Variants in OR6C74 observed in about 807,000 individuals in gnomAD.
OR6C74 encodes the protein olfactory receptor 6C74.
For missense variants in OR6C74, 361 were observed against 362.9 expected (o/e 0.99, Z 0.04); for synonymous variants, 142 against 134.2 (o/e 1.06, Z -0.40).
intron 1 of OR6C74, among the ~76,000 whole-genome samples, 189 bp downstream of exon 1, chr12:55,245,006 T>C (rs896425861): frequency 6.6e-6 from 1 of 152,084 alleles, no homozygotes; most frequent in Non-Finnish European, 1.5e-5. Flanking sequence ...TGCTACTAAA[T>C]ACATTAAAGT....
In OR6C74 at chr12:55,247,089, C is replaced by T. The variant is rs116625194; in HGVS notation, c.-9-190C>T. 2,602 of 468,610 alleles carry T rather than the reference C, an allele frequency of 5.6e-3. 41 individuals are homozygous for T. The highest frequency in any genetic ancestry group is 0.028 in the African/African-American group (1,425 of 50,020). The allele number at this position is 468,610 out of a possible 1,614,324, so 29.0% of individuals were successfully genotyped here. A position where few individuals can be genotyped will look rare whatever the true frequency, so the allele number is the denominator to read the frequency against. On this transcript the variant is annotated intron_variant, in intron 1 of 1. Coordinates refer to ENST00000343399, the MANE Select transcript of OR6C74 (RefSeq NM_001005490.2). ...ATTTATGGCCATTGAGAAAACAGAA[C>T]AAACTCAAAAAGTTGCATGTATTTA...
At position 55,247,276 on chromosome 12, in the gene OR6C74, T is replaced by C. The variant is rs1365285421; in HGVS notation, c.-9-3T>C. ...TAATTTTTCTTCTTATTTTTAAAAA[T>C]AGAAATCAACTATGAGAAACCATAC... On this transcript the variant is annotated splice_polypyrimidine_tract_variant and splice_region_variant and intron_variant, in intron 1 of 1. Transcript: ENST00000343399. 1.3e-6 allele frequency: 2 copies of C among 1,481,980 alleles called. No homozygotes were observed. The highest frequency in any genetic ancestry group is 2.3e-5 in the East Asian group (1 of 44,186). The allele number at this position is 1,481,980 out of a possible 1,614,324, so 91.8% of individuals were successfully genotyped here.
In OR6C74 at chr12:55,247,600, T is replaced by C. The variant is rs751184282; in HGVS notation, c.313T>C (p.Leu105=). 1 of 1,614,022 alleles carries C rather than the reference T, an allele frequency of 6.2e-7. No homozygotes were observed. Among genetic ancestry groups the C allele is most frequent in the Admixed American group, 1.7e-5 (1 of 60,002 alleles). The change falls in exon 2 of 2, where the codon TTG becomes CTG. Residue 105 remains leucine, a synonymous_variant. Transcript: ENST00000343399. ...CAAQLFFTIL[L]GATEFFLLAA... is the part of the protein sequence containing the mutation. Reference sequence around the variant, plus strand: ...AGCACAGCTGTTTTTCACTATTCTCTTGGGGGCAACTGAATTTTTTCTTCT... The same window carrying C: ...AGCACAGCTGTTTTTCACTATTCTCCTGGGGGCAACTGAATTTTTTCTTCT...
At chr12:55,246,398 G>A (rs1388052477) in intron 1 of OR6C74, among the ~76,000 whole-genome samples, 2 of 152,150 alleles carry the variant, frequency 1.3e-5, no homozygotes, top group African/African-American at 4.8e-5. Flanking sequence ...CTGTCATCCA[G>A]GCTGGAGTGC....
In OR6C74 at chr12:55,253,991, T is replaced by C. The variant is rs779995898; in HGVS notation, c.*5765T>C. On this transcript the variant is annotated 3_prime_UTR_variant, in exon 2 of 2. Transcript: ENST00000343399. The stretch of plus-strand genomic sequence containing the variant: ...GTTTATTTTAGTCCTAGGAACTTCA[T>C]AATCTGTTGTTCACTACTAAAGTGC... Among the ~76,000 whole-genome samples the C allele has an allele frequency of 6.6e-6, 1 of 152,106 alleles. No homozygotes were observed. Among genetic ancestry groups the C allele is most frequent in the Non-Finnish European group, 1.5e-5 (1 of 67,978 alleles).
Position 55,256,028 on chromosome 12 carries a change from A to G in OR6C74, c.*7802A>G, listed in dbSNP as rs1954341915. Among the ~76,000 whole-genome samples the G allele has an allele frequency of 6.6e-6, 1 of 152,102 alleles. No individual in the cohort carries two copies. The stretch of plus-strand genomic sequence containing the variant: ...AACTATTGCTATGGAATAAAAGGTG[A>G]AATGCTCCTGATTATTGTAAATACA... On this transcript the variant is annotated 3_prime_UTR_variant, in exon 2 of 2. Coordinates refer to ENST00000343399, the MANE Select transcript of OR6C74 (RefSeq NM_001005490.2).
Position 55,247,464 on chromosome 12 carries a change from C to T in OR6C74, c.177C>T (p.Phe59=). 1 of 1,613,826 alleles carries T rather than the reference C, an allele frequency of 6.2e-7. No homozygotes were observed. The highest frequency in any genetic ancestry group is 1.3e-5 in the African/African-American group (1 of 74,998). The change falls in exon 2 of 2, where the codon TTC becomes TTT. Residue 59 remains phenylalanine (F), a synonymous_variant. Transcript: ENST00000343399. The part of the protein sequence containing the change: ...LDLHLKTPMY[F]FLRNFSFLEV... ...TGCATCTCAAGACACCCATGTATTT[C>T]TTCCTCCGAAATTTCTCATTTTTAG...
chr12:55,252,993 A>G lies in OR6C74; in HGVS notation c.*4767A>G, dbSNP rs2136315786. Among the ~76,000 whole-genome samples, 1 of 151,876 alleles carries G rather than the reference A, an allele frequency of 6.6e-6. No homozygotes were observed. The highest frequency in any genetic ancestry group is 6.6e-5 in the Admixed American group (1 of 15,194). On this transcript the variant is annotated 3_prime_UTR_variant, in exon 2 of 2. Transcript: ENST00000343399. ...TCTAACAACCCTTTAAAAATGTAAA[A>G]TACATCTCAGGATCTCAGGTGGAAG...
At position 55,249,912 on chromosome 12, in the gene OR6C74, C is replaced by A. The variant is rs980750419; in HGVS notation, c.*1686C>A. Among the ~76,000 whole-genome samples, 2 of 152,102 alleles carry A rather than the reference C, an allele frequency of 1.3e-5. No homozygotes were observed. Among genetic ancestry groups the A allele is most frequent in the Non-Finnish European group, 2.9e-5 (2 of 68,008 alleles). On this transcript the variant is annotated 3_prime_UTR_variant, in exon 2 of 2. Transcript: ENST00000343399. ...TAATGCTATCCCTCCCCTCTCCCCC[C>A]ACCTCACAGCAGGCCCCGGTGTGTG...
In OR6C74 at chr12:55,256,547, C is replaced by T. The variant is rs1024074911; in HGVS notation, c.*8321C>T. ...ACTGATGCACACACTATATTGTAAACTCTTATCTCTGTATACTGTACTTCT... is the reference window on the plus strand; with the variant it reads ...ACTGATGCACACACTATATTGTAAATTCTTATCTCTGTATACTGTACTTCT... On this transcript the variant is annotated 3_prime_UTR_variant, in exon 2 of 2. Coordinates refer to ENST00000343399, the MANE Select transcript of OR6C74 (RefSeq NM_001005490.2). Among the ~76,000 whole-genome samples the T allele has an allele frequency of 2.6e-5, 4 of 152,088 alleles. No homozygotes were observed. Among genetic ancestry groups the T allele is most frequent in the African/African-American group, 9.7e-5 (4 of 41,426 alleles).
rs1375255058 is a variant in OR6C74 at position 55,251,088 on chromosome 12, C to T, written c.*2862C>T. On this transcript the variant is annotated 3_prime_UTR_variant, in exon 2 of 2. Coordinates refer to ENST00000343399, the MANE Select transcript of OR6C74 (RefSeq NM_001005490.2). ...CAAAATTCCCCAAATATTTGCATAA[C>T]CTGGCCTGTCCAGTTTGGTTTCTTA... is the stretch of plus-strand genomic sequence containing the variant. Among the ~76,000 whole-genome samples, 1 of 152,052 alleles carries T rather than the reference C, an allele frequency of 6.6e-6. No individual in the cohort carries two copies. Among genetic ancestry groups the T allele is most frequent in the Admixed American group, 6.6e-5 (1 of 15,232 alleles).
chr12:55,247,300 A>G lies in OR6C74; in HGVS notation c.13A>G (p.Thr5Ala), dbSNP rs368893995. The change falls in exon 2 of 2, where the codon ACA becomes GCA. Residue 5 changes from threonine (T) to alanine (A), a missense_variant. By Grantham distance (58) the Thr-to-Ala change is moderately conservative. Transcript: ENST00000343399. ...ATAGAAATCAACTATGAGAAACCAT[A>G]CAACAGTAGCAAACTTTATTCTTCT... MRNH[T>A]TVANFILLGL... 1 of 1,590,816 alleles carries G rather than the reference A, an allele frequency of 6.3e-7. No homozygotes were observed. The highest frequency in any genetic ancestry group is 8.6e-7 in the Non-Finnish European group (1 of 1,162,796).
chr12:55,248,337 A>G lies in OR6C74; in HGVS notation c.*111A>G, dbSNP rs751889112. ...AATAATATTACCTCTTTTTTGACTT[A>G]TAATTTTCATTATGGCCTTCCTAAT... On this transcript the variant is annotated 3_prime_UTR_variant, in exon 2 of 2. Transcript: ENST00000343399. The G allele has an allele frequency of 9.0e-6, 6 of 667,076 alleles. No homozygotes were observed. Among genetic ancestry groups the G allele is most frequent in the Non-Finnish European group, 1.5e-5 (6 of 403,250 alleles). The allele number at this position is 667,076 out of a possible 1,614,324, so 41.3% of individuals were successfully genotyped here.
rs1192216298 is a variant in OR6C74, at chr12:55,253,850, G to C, written c.*5624G>C. On this transcript the variant is annotated 3_prime_UTR_variant, in exon 2 of 2. Transcript: ENST00000343399. ...GTTCTGGTTCTATGAAAGGATTGAA[G>C]TCTGTAATTGAATAAGGAGCTTTAA... 6.6e-6 allele frequency among the ~76,000 whole-genome samples: 1 copy of C among 152,062 alleles called. No individual in the cohort carries two copies. The highest frequency in any genetic ancestry group is 1.9e-4 in the East Asian group (1 of 5,186).
Position 55,249,967 on chromosome 12 carries a change from T to A in OR6C74, c.*1741T>A, listed in dbSNP as rs945595059. 3.3e-5 allele frequency among the ~76,000 whole-genome samples: 5 copies of A among 152,206 alleles called. No individual in the cohort carries two copies. The highest frequency in any genetic ancestry group is 1.2e-4 in the African/African-American group (5 of 41,536). The stretch of plus-strand genomic sequence containing the variant: ...TCGCCTTCCTGTGTCCAGGTGTTCT[T>A]ATTGTTCAATTCCCACCTATGAGTG... On this transcript the variant is annotated 3_prime_UTR_variant, in exon 2 of 2. Transcript: ENST00000343399.
Position 55,255,059 on chromosome 12 carries a change from A to T in OR6C74, c.*6833A>T, listed in dbSNP as rs889936961. Among the ~76,000 whole-genome samples, 1 of 152,056 alleles carries T rather than the reference A, an allele frequency of 6.6e-6. No homozygotes were observed. The highest frequency in any genetic ancestry group is 6.6e-5 in the Admixed American group (1 of 15,256). ...CATTCAGCCTTGAAAGATCGAAATA[A>T]TACCTCCCTCCAGGGCAGAAGGGAG... On this transcript the variant is annotated 3_prime_UTR_variant, in exon 2 of 2. Transcript: ENST00000343399.
At chr12:55,247,252 A>T in intron 1 of OR6C74, 27 bp from the exon 2 acceptor site, 1 of 1,336,336 alleles carries the variant, frequency 7.5e-7, no homozygotes, top group Non-Finnish European at 1.0e-6. Flanking sequence ...CTTCTGTTCT[A>T]ATTTTTCTTC....
rs561543491 is a variant in OR6C74, at chr12:55,249,108, G to T, written c.*882G>T. Among the ~76,000 whole-genome samples, 94 of 152,254 alleles carry T rather than the reference G, an allele frequency of 6.2e-4. No individual in the cohort carries two copies. The highest frequency in any genetic ancestry group is 2.3e-3 in the African/African-American group (94 of 41,566). ...CTCTTAAGTCACTTAGAATGCAAAA[G>T]AACAGTAAGACCTTTGTAGAACATT... On this transcript the variant is annotated 3_prime_UTR_variant, in exon 2 of 2. Transcript: ENST00000343399.
At chr12:55,246,424 G>A (rs1399824246) in intron 1 of OR6C74, among the ~76,000 whole-genome samples, 1 of 152,156 alleles carries the variant, frequency 6.6e-6, no homozygotes, top group Non-Finnish European at 1.5e-5. Flanking sequence ...CATGATCATA[G>A]TTCACTGAAG....
Sources: gnomAD v4.1 joint callset for allele counts (sites outside exome capture counted in the v4.1 genomes callset) on GRCh38, gnomAD v4.1.1 for gene constraint, MANE v1.5 for transcripts, NCBI Gene and HGNC (gene_info 2026-07-23, HGNC 2026-07-21) for gene names.